Variants in PLCH1 observed in about 807,000 individuals in gnomAD.
PLCH1 encodes 1-phosphatidylinositol 4,5-bisphosphate phosphodiesterase eta-1.
In PLCH1, 60 loss-of-function variants were observed where a neutral mutation model predicts 126.7. That is an observed-to-expected ratio of 0.47 (90% confidence interval 0.38 to 0.59). PLCH1 has a LOEUF of 0.59. PLCH1 is among the 20% of genes least tolerant of loss of function. The probability of loss-of-function intolerance (pLI) is 0.00; values close to 1 mark genes in which losing one functional copy is unlikely to be tolerated. For synonymous variants in PLCH1, 719 were observed against 734.9 expected (o/e 0.98, Z 0.35); for missense variants, 1,723 against 2,040.0 (o/e 0.84, Z 2.99).
At chr3:155,684,925 G>C (rs1363559957) in intron 2 of PLCH1, among the ~76,000 whole-genome samples, 1 of 152,170 alleles carries the variant, frequency 6.6e-6, no homozygotes, top group East Asian at 1.9e-4. Flanking sequence ...CCCCCTAACA[G>C]TACTGATTTA....
chr3:155,504,491 C>G, intron 13 of PLCH1, 64 bp downstream of exon 13: 1 of 884,720 alleles, frequency 1.1e-6, no homozygotes, highest in South Asian at 1.4e-5. Context: ...ATGATATTCT[C>G]CTGTTATCTT....
chr3:155,485,808 A>G, intron 21 of PLCH1, 98 bp from the exon 22 acceptor site: 1 of 699,562 alleles, frequency 1.4e-6, no homozygotes, highest in Non-Finnish European at 2.4e-6. Context: ...AATATAAACC[A>G]AAATCGTACA....
chr3:155,575,521 G>C (rs1192384920), intron 6 of PLCH1, among the ~76,000 whole-genome samples: 1 of 152,142 alleles, frequency 6.6e-6, no homozygotes, highest in Non-Finnish European at 1.5e-5. Flanking sequence ...CTGTAGCAGG[G>C]AAACAGGAAA....
chr3:155,736,662 G>C (rs1022479893), intron 1 of PLCH1, among the ~76,000 whole-genome samples: 1 of 152,030 alleles, frequency 6.6e-6, no homozygotes, highest in Non-Finnish European at 1.5e-5. Flanking sequence ...AACCTCTCCC[G>C]CCCTGTTATC....
At chr3:155,614,549 G>A (rs1373158332) in intron 2 of PLCH1, among the ~76,000 whole-genome samples, 1 of 152,164 alleles carries the variant, frequency 6.6e-6, no homozygotes, top group Non-Finnish European at 1.5e-5. Flanking sequence ...CAAGACTATA[G>A]TTACCAAAAC....
chr3:155,655,582 A>C (rs1399327724), intron 2 of PLCH1, among the ~76,000 whole-genome samples: 1 of 152,172 alleles, frequency 6.6e-6, no homozygotes, highest in Non-Finnish European at 1.5e-5. Flanking sequence ...CCATACATTC[A>C]CCATGGAAGC....
At chr3:155,716,994 G>A (rs1416210453) in intron 1 of PLCH1, among the ~76,000 whole-genome samples, 1 of 152,210 alleles carries the variant, frequency 6.6e-6, no homozygotes, top group African/African-American at 2.4e-5. Context: ...GGTGGTACCA[G>A]CATTAAGAAA....
At chr3:155,492,691 T>A in intron 18 of PLCH1, 38 bp downstream of exon 18, 1 of 1,501,570 alleles carries the variant, frequency 6.7e-7, no homozygotes, top group Non-Finnish European at 8.9e-7. Context: ...GATAATCACA[T>A]AATTAACCAC....
intron 2 of PLCH1, among the ~76,000 whole-genome samples, chr3:155,699,739 G>T (rs564456394): frequency 3.0e-4 from 46 of 151,734 alleles, no homozygotes; most frequent in African/African-American, 1.1e-3. Context: ...CTTCATTTTT[G>T]AATATAATCA....
chr3:155,632,030 A>G (rs1738100598), intron 2 of PLCH1, among the ~76,000 whole-genome samples: 1 of 151,794 alleles, frequency 6.6e-6, no homozygotes, highest in South Asian at 2.1e-4. Context: ...AAATGTGAGG[A>G]TCCAAGGTTT....
intron 2 of PLCH1, among the ~76,000 whole-genome samples, chr3:155,663,409 CACTA>C (rs113399900): frequency 0.035 from 5,298 of 152,248 alleles, 264 homozygotes; most frequent in African/African-American, 0.11. Context: ...CTAATTCTAT[CACTA>C]ACTAACTGCT....
intron 1 of PLCH1, chr3:155,742,948 G>A (rs1298490522): frequency 9.3e-6 from 2 of 216,080 alleles, no homozygotes; most frequent in African/African-American, 2.4e-5. Flanking sequence ...CAGTACTCAC[G>A]TATTACTTCA....
At chr3:155,729,695 G>A (rs1303060714) in intron 1 of PLCH1, among the ~76,000 whole-genome samples, 4 of 152,190 alleles carry the variant, frequency 2.6e-5, no homozygotes, top group African/African-American at 9.7e-5. Context: ...AGGCTGAGGT[G>A]GCAGATGGCT....
chr3:155,520,336 T>C (rs1720915427), intron 11 of PLCH1, among the ~76,000 whole-genome samples: 1 of 152,132 alleles, frequency 6.6e-6, no homozygotes, highest in Non-Finnish European at 1.5e-5. Flanking sequence ...GGAGGAAAAT[T>C]ATTAAAGTGT....
chr3:155,575,941 T>C (rs1016439735), intron 6 of PLCH1, among the ~76,000 whole-genome samples: 4 of 152,188 alleles, frequency 2.6e-5, no homozygotes, highest in African/African-American at 9.7e-5. Context: ...CCACTGGGCC[T>C]GGCTAGGAGG....
Position 155,585,946 on chromosome 3 carries a change from A to T in PLCH1, c.600+119T>A, listed in dbSNP as rs565657013. 6 of 688,746 alleles carry T rather than the reference A, an allele frequency of 8.7e-6. No homozygotes were observed. The South Asian group carries it at 2.0e-4, about 23-fold the overall frequency. 42.7% of individuals were successfully genotyped at this position (688,746 alleles called of 1,614,324 possible). A position where few individuals can be genotyped will look rare whatever the true frequency, so the allele number is the denominator to read the frequency against. On this transcript the variant is annotated intron_variant, in intron 5 of 22. Coordinates refer to ENST00000460012, the MANE Select transcript of PLCH1 (RefSeq NM_014996.4). ...ATCATTTCTTCATCAAAGAAAAATA[A>T]AACAGTACAGAGCACATATATTAGC...
At chr3:155,697,620 T>C (rs1745925374) in intron 2 of PLCH1, among the ~76,000 whole-genome samples, 1 of 152,186 alleles carries the variant, frequency 6.6e-6, no homozygotes, top group Non-Finnish European at 1.5e-5. Flanking sequence ...CCCCATTCCA[T>C]CTTTCAAGTC....
At chr3:155,713,021 C>G (rs1254555979) in intron 1 of PLCH1, among the ~76,000 whole-genome samples, 1 of 151,000 alleles carries the variant, frequency 6.6e-6, no homozygotes, top group African/African-American at 2.4e-5. Flanking sequence ...TTACAATAGC[C>G]CTGTGAGTTC....
intron 2 of PLCH1, among the ~76,000 whole-genome samples, chr3:155,622,132 C>T (rs987001265): frequency 1.3e-5 from 2 of 152,186 alleles, no homozygotes; most frequent in Admixed American, 6.5e-5. Context: ...AAAGAATTTT[C>T]AATCCAGAAT....
Sources: allele counts gnomAD v4.1 joint callset (sites outside exome capture counted in the v4.1 genomes callset), GRCh38; gene constraint gnomAD v4.1.1; transcripts MANE v1.5; gene names NCBI Gene and HGNC (gene_info 2026-07-23, HGNC 2026-07-21).